The following UPB1 variants were observed in gnomAD, a reference collection of about 807,000 sequenced individuals.
UPB1 encodes the protein beta-ureidopropionase 1.
A neutral mutation model predicts 49.1 loss-of-function variants in UPB1; 40 were observed. The ratio of observed to expected loss-of-function variants is 0.81; its 90% confidence interval spans 0.63 to 1.06. The LOEUF is 1.06. UPB1 is among the 50% of genes least tolerant of loss of function. The probability of loss-of-function intolerance (pLI) is 0.00; values close to 1 mark genes in which losing one functional copy is unlikely to be tolerated. For synonymous variants in UPB1, 207 were observed against 198.2 expected (o/e 1.04, Z -0.38); for missense variants, 499 against 505.9 (o/e 0.99, Z 0.13).
In UPB1 at chr22:24,526,185, A is replaced by G. The variant is rs2044479156; in HGVS notation, c.*391A>G. ...GGGAAGAGGGTGAGGGCTGATCCAGAGACCCTGAGCCTACAGCAAGGCTGT... is the reference window on the plus strand; with the variant it reads ...GGGAAGAGGGTGAGGGCTGATCCAGGGACCCTGAGCCTACAGCAAGGCTGT... On this transcript the variant is annotated 3_prime_UTR_variant, in exon 10 of 10. Transcript: ENST00000326010. The G allele has an allele frequency of 6.0e-6, 2 of 331,642 alleles. No homozygotes were observed. The highest frequency in any genetic ancestry group is 1.2e-5 in the Non-Finnish European group (2 of 169,750). The allele number at this position is 331,642 out of a possible 1,614,324, so 20.5% of individuals were successfully genotyped here. A position where few individuals can be genotyped will look rare whatever the true frequency, so the allele number is the denominator to read the frequency against.
rs1307233161 is a variant in UPB1, at chr22:24,526,582, C to T, written c.*788C>T. The T allele has an allele frequency of 6.6e-6, 1 of 152,260 alleles. No individual in the cohort carries two copies. Among genetic ancestry groups the T allele is most frequent in the African/African-American group, 2.4e-5 (1 of 41,450 alleles). 9.4% of individuals were successfully genotyped at this position (152,260 alleles called of 1,614,324 possible). On this transcript the variant is annotated 3_prime_UTR_variant, in exon 10 of 10. Coordinates refer to ENST00000326010, the MANE Select transcript of UPB1 (RefSeq NM_016327.3). ...CCTTGCAATAAATCTCAATATATCC[C>T]CTACTGGTTCTGCTTCTCTAGTTGA...
rs751671767 is a variant in UPB1 at position 24,525,815 on chromosome 22, G to A, written c.*21G>A. ...AGTAGCCGGCTTCAGTGCCTGCCTT[G>A]GGGTGAGGAAGACACCTCTGCCCCA... On this transcript the variant is annotated 3_prime_UTR_variant, in exon 10 of 10. Transcript: ENST00000326010. 14 of 1,613,904 alleles carry A rather than the reference G, an allele frequency of 8.7e-6. No homozygotes were observed. Among genetic ancestry groups the A allele is most frequent in the African/African-American group, 2.7e-5 (2 of 74,918 alleles).
chr22:24,509,720 TTGTG>T (rs905333171), intron 3 of UPB1, among the ~76,000 whole-genome samples: 1 of 147,234 alleles, frequency 6.8e-6, no homozygotes, highest in Admixed American at 6.9e-5. Context: ...TTAAAACTTT[TTGTG>T]TGTGTGGCAT....
At chr22:24,502,363 C>G in intron 3 of UPB1, 150 bp downstream of exon 3, 1 of 877,414 alleles carries the variant, frequency 1.1e-6, no homozygotes, top group South Asian at 1.3e-5. Context: ...CCAGGAACCC[C>G]GGCCTCCCTG....
At chr22:24,517,017 C>T (rs1025615281) in intron 6 of UPB1, among the ~76,000 whole-genome samples, 17 of 152,258 alleles carry the variant, frequency 1.1e-4, no homozygotes, top group Non-Finnish European at 2.4e-4. Flanking sequence ...AGCCACTGCC[C>T]CCGGCCAAAT....
In UPB1 at chr22:24,504,723, C is replaced by CTTT. The variant is rs35606558; in HGVS notation, c.364+2530_364+2532dup. Among the ~76,000 whole-genome samples, 696 of 91,762 alleles carry CTTT rather than the reference C, an allele frequency of 7.6e-3. 42 individuals are homozygous for CTTT. Among genetic ancestry groups the CTTT allele is most frequent in the East Asian group, 0.035 (113 of 3,226 alleles). The allele number at this position is 91,762 out of a possible 152,430, so 60.2% of individuals were successfully genotyped here. A position where few individuals can be genotyped will look rare whatever the true frequency, so the allele number is the denominator to read the frequency against. On this transcript the variant is annotated intron_variant, in intron 3 of 9. Transcript: ENST00000326010. Reference sequence around the variant, plus strand: ...CCCTAATTTTGTTATGTATTTCCTCCTTTTTTTTTTTTTTTTTTTTTTGAT... The same window carrying CTTT: ...CCCTAATTTTGTTATGTATTTCCTCCTTTTTTTTTTTTTTTTTTTTTTTTTGAT...
At chr22:24,502,783 T>C in intron 3 of UPB1, 2 of 501,176 alleles carry the variant, frequency 4.0e-6, no homozygotes, top group Non-Finnish European at 7.1e-6. Context: ...GCATCACCTA[T>C]TGACTTCCCC....
At position 24,509,361 on chromosome 22, in the gene UPB1, GAAAAAAA is replaced by G. The variant is rs202081655; in HGVS notation, c.365-1359_365-1353del. Among the ~76,000 whole-genome samples the G allele has an allele frequency of 5.4e-3, 498 of 92,064 alleles. 1 individual carries two copies. Among genetic ancestry groups the G allele is most frequent in the African/African-American group, 0.021 (446 of 21,276 alleles). 60.4% of individuals were successfully genotyped at this position (92,064 alleles called of 152,430 possible). A position where few individuals can be genotyped will look rare whatever the true frequency, so the allele number is the denominator to read the frequency against. ...ATCTGTGTGTATGTACCTACTGTTTGAAAAAAAAAAAAAAAAAAAAAAAAAAAAAAAA... is the reference window on the plus strand; with the variant it reads ...ATCTGTGTGTATGTACCTACTGTTTGAAAAAAAAAAAAAAAAAAAAAAAAA... On this transcript the variant is annotated intron_variant, in intron 3 of 9. Transcript: ENST00000326010.
chr22:24,502,237 C>T, intron 3 of UPB1, 24 bp downstream of exon 3: 1 of 1,605,262 alleles, frequency 6.2e-7, no homozygotes, highest in Non-Finnish European at 8.5e-7. Context: ...ATGGTGCTTT[C>T]TCTGCTGCCT....
Position 24,502,220 on chromosome 22 carries a change from CTT to C in UPB1, c.364+12_364+13del, listed in dbSNP as rs754450964. 2 of 1,613,686 alleles carry C rather than the reference CTT, an allele frequency of 1.2e-6. No individual in the cohort carries two copies. The highest frequency in any genetic ancestry group is 2.7e-5 in the African/African-American group (2 of 75,012). ...TGTTTCCAGGAAGCATGGAGTGAGTCTTTTTTATGGTGCTTTCTCTGCTGCCT... is the reference window on the plus strand; with the variant it reads ...TGTTTCCAGGAAGCATGGAGTGAGTCTTTTATGGTGCTTTCTCTGCTGCCT... On this transcript the variant is annotated splice_region_variant and intron_variant, in intron 3 of 9. Transcript: ENST00000326010.
rs556782739 is a variant in UPB1 at position 24,502,406 on chromosome 22, C to T, written c.364+193C>T. ...GCACCGAGCTGTTGTCTGATTCCTTCAGTTTTCCCACATCGTTCTGAATCC... is the reference window on the plus strand; with the variant it reads ...GCACCGAGCTGTTGTCTGATTCCTTTAGTTTTCCCACATCGTTCTGAATCC... On this transcript the variant is annotated intron_variant, in intron 3 of 9. Transcript: ENST00000326010. 1.1e-5 allele frequency: 9 copies of T among 789,342 alleles called. No individual in the cohort carries two copies. In the East Asian group the frequency reaches 1.9e-4, roughly 17 times the overall value. The allele number at this position is 789,342 out of a possible 1,614,324, so 48.9% of individuals were successfully genotyped here. A position where few individuals can be genotyped will look rare whatever the true frequency, so the allele number is the denominator to read the frequency against.
rs146049053 is a variant in UPB1, at chr22:24,525,605, C to T, written c.1072-106C>T. 1.9e-4 allele frequency: 246 copies of T among 1,325,778 alleles called. 1 individual carries two copies. Among genetic ancestry groups the T allele is most frequent in the African/African-American group, 1.8e-3 (122 of 69,388 alleles). The allele number at this position is 1,325,778 out of a possible 1,614,324, so 82.1% of individuals were successfully genotyped here. A position where few individuals can be genotyped will look rare whatever the true frequency, so the allele number is the denominator to read the frequency against. On this transcript the variant is annotated intron_variant, in intron 9 of 9. Transcript: ENST00000326010. ...TCACTGTCAACGAGCCTTCCTGATG[C>T]GTTCCTGCCCCATGACTGCCCTCCA... is the stretch of plus-strand genomic sequence containing the variant.
chr22:24,521,433 TCATTGCACTCCAGC>T (rs1483499141), intron 7 of UPB1, among the ~76,000 whole-genome samples: 2 of 151,796 alleles, frequency 1.3e-5, no homozygotes, highest in Non-Finnish European at 2.9e-5. Context: ...CGCGGTCGCA[TCATTGCACTCCAGC>T]CTGGGCAACA....
At chr22:24,500,548 C>T (rs1438570634) in intron 2 of UPB1, among the ~76,000 whole-genome samples, 1 of 152,272 alleles carries the variant, frequency 6.6e-6, no homozygotes, top group Non-Finnish European at 1.5e-5. Flanking sequence ...CATTTACCAA[C>T]CGGGAGGGTG....
Position 24,513,483 on chromosome 22 carries a change from G to A in UPB1, c.619G>A (p.Glu207Lys), listed in dbSNP as rs780870504. The change falls in exon 5 of 10, where the codon GAG becomes AAG. Residue 207 changes from glutamate to lysine, a missense_variant and splice_region_variant. Glu to Lys is a moderately conservative substitution (Grantham distance 56). Transcript: ENST00000326010. Reference sequence around the variant, plus strand: ...CATCCCCAGAGTGGGTGATTTCAACGAGGTGAGCCACCCATAAGATAGATA... The same window carrying A: ...CATCCCCAGAGTGGGTGATTTCAACAAGGTGAGCCACCCATAAGATAGATA... ...NHIPRVGDFNESTYYMEGNLG... is the reference protein window; with the variant it reads ...NHIPRVGDFNKSTYYMEGNLG... 8 of 1,613,678 alleles carry A rather than the reference G, an allele frequency of 5.0e-6. No individual in the cohort carries two copies. The highest frequency in any genetic ancestry group is 8.5e-7 in the Non-Finnish European group (1 of 1,179,912).
rs764737466 is a variant in UPB1 at position 24,495,444 on chromosome 22, A to G, written c.41A>G (p.Glu14Gly). The change falls in exon 1 of 10, where the codon GAG (glutamate) becomes GGG (glycine). Residue 14 changes from glutamate to glycine, a missense_variant. Coordinates refer to ENST00000326010, the MANE Select transcript of UPB1 (RefSeq NM_016327.3). Reference sequence around the variant, plus strand: ...TGGAAGTCGCTGGAGGAATGCTTGGAGAAGCACCTGCCGCTCCCCGACTTG... The same window carrying G: ...TGGAAGTCGCTGGAGGAATGCTTGGGGAAGCACCTGCCGCTCCCCGACTTG... ...AEWKSLEECL[E>G]KHLPLPDLQE... 7.4e-6 allele frequency: 12 copies of G among 1,613,632 alleles called. No individual in the cohort carries two copies. The highest frequency in any genetic ancestry group is 1.0e-5 in the Non-Finnish European group (12 of 1,180,038).
rs751361360 is a variant in UPB1, at chr22:24,500,288, CTT to C, written c.276+13_276+14del. ...CCCTGTGGCAGAACAGGTGCAGACT[CTT>C]TTGACCATAATAAATACACAAACAG... On this transcript the variant is annotated intron_variant, in intron 2 of 9. Coordinates refer to ENST00000326010, the MANE Select transcript of UPB1 (RefSeq NM_016327.3). 7.4e-6 allele frequency: 12 copies of C among 1,613,860 alleles called. No individual in the cohort carries two copies. In the South Asian group the frequency reaches 1.2e-4, roughly 16 times the overall value.
intron 6 of UPB1, among the ~76,000 whole-genome samples, chr22:24,518,879 G>A (rs531238101): frequency 2.3e-4 from 35 of 152,170 alleles, no homozygotes; most frequent in African/African-American, 6.5e-4. Flanking sequence ...TGTGTGCACC[G>A]CGCTGGGAAT....
chr22:24,520,519 GT>G, intron 7 of UPB1, 51 bp downstream of exon 7: 6 of 1,593,724 alleles, frequency 3.8e-6, no homozygotes, highest in Non-Finnish European at 5.1e-6. Flanking sequence ...GGTGGCTCTG[GT>G]GGGGACACCC....
Sources: allele counts gnomAD v4.1 joint callset (sites outside exome capture counted in the v4.1 genomes callset), GRCh38; gene constraint gnomAD v4.1.1; transcripts MANE v1.5; gene names NCBI Gene and HGNC (gene_info 2026-07-23, HGNC 2026-07-21).